Variants in CHST8 observed in about 807,000 individuals in gnomAD.
CHST8 encodes the protein GALNAC-4-ST1.
CHST8 carries 10 observed loss-of-function variants against 15.0 expected under a neutral mutation model. The observed-to-expected ratio is 0.67, with a 90% CI of 0.41 to 1.13. CHST8 has a LOEUF of 1.13. Among genes scored for constraint, CHST8 ranks in the 50% most tolerant of loss-of-function variants. The probability of loss-of-function intolerance (pLI) is 0.00; values close to 1 mark genes in which losing one functional copy is unlikely to be tolerated. For missense variants in CHST8, 634 were observed against 608.2 expected, an observed-to-expected ratio of 1.04 and a Z score of -0.45; for synonymous variants, 259 against 256.6, an observed-to-expected ratio of 1.01 and a Z score of -0.09.
intron 3 of CHST8, among the ~76,000 whole-genome samples, chr19:33,722,030 G>T (rs760755852): frequency 6.7e-6 from 1 of 148,546 alleles, no homozygotes; most frequent in Non-Finnish European, 1.5e-5. Context: ...GGTAGTGAGT[G>T]GGCATATGGA....
chr19:33,747,255 C>T (rs772008254), intron 3 of CHST8, among the ~76,000 whole-genome samples: 1 of 152,136 alleles, frequency 6.6e-6, no homozygotes, highest in African/African-American at 2.4e-5. Flanking sequence ...CGGGCAGGTG[C>T]GCCCTTCCCC....
At chr19:33,643,695 G>A (rs949543382) in intron 1 of CHST8, among the ~76,000 whole-genome samples, 1 of 152,116 alleles carries the variant, frequency 6.6e-6, no homozygotes, top group Non-Finnish European at 1.5e-5. Context: ...CAGCACCCAC[G>A]ATTTTAATTA....
At chr19:33,675,211 A>T (rs1972793745) in intron 2 of CHST8, among the ~76,000 whole-genome samples, 1 of 151,662 alleles carries the variant, frequency 6.6e-6, no homozygotes, top group South Asian at 2.1e-4. Context: ...GGCCTGCACC[A>T]CCCCCAGCAC....
intron 1 of CHST8, among the ~76,000 whole-genome samples, chr19:33,625,088 CT>C (rs112353397): frequency 0.09 from 13,004 of 144,098 alleles, 843 homozygotes; most frequent in African/African-American, 0.19. Context: ...TTCTTTCTTT[CT>C]TTTTTTTTTT....
chr19:33,689,757 A>G (rs1011246240), intron 3 of CHST8, among the ~76,000 whole-genome samples: 15 of 152,322 alleles, frequency 9.8e-5, no homozygotes, highest in Non-Finnish European at 1.5e-4. Flanking sequence ...CTTCTCCCTG[A>G]GCCCATGCCC....
At chr19:33,650,658 A>G (rs533521250) in intron 1 of CHST8, among the ~76,000 whole-genome samples, 1 of 149,172 alleles carries the variant, frequency 6.7e-6, no homozygotes, top group African/African-American at 2.5e-5. Context: ...CAGCCTCCCA[A>G]GTAGCTGGGA....
chr19:33,666,056 G>T (rs1251932698), intron 1 of CHST8, among the ~76,000 whole-genome samples: 2 of 152,256 alleles, frequency 1.3e-5, no homozygotes, highest in African/African-American at 4.8e-5. Context: ...TGTCTGTGCA[G>T]GTGCCTTGGG....
intron 1 of CHST8, among the ~76,000 whole-genome samples, chr19:33,630,232 G>A (rs1972105077): frequency 6.6e-6 from 1 of 152,248 alleles, no homozygotes; most frequent in Non-Finnish European, 1.5e-5. Context: ...CCCTGGAGAA[G>A]TTGAGCAAAC....
chr19:33,727,779 C>T (rs888312901), intron 3 of CHST8, among the ~76,000 whole-genome samples: 8 of 152,358 alleles, frequency 5.3e-5, no homozygotes, highest in African/African-American at 1.7e-4. Flanking sequence ...AGGCTCCTGC[C>T]GTAGCGGGCT....
Position 33,694,762 on chromosome 19 carries a change from T to C in CHST8, c.130+5371T>C, listed in dbSNP as rs533993399. Among the ~76,000 whole-genome samples, 7 of 152,296 alleles carry C rather than the reference T, an allele frequency of 4.6e-5. No homozygotes were observed. In the South Asian group the frequency reaches 1.2e-3, roughly 27 times the overall value. On this transcript the variant is annotated intron_variant, in intron 3 of 4. Coordinates refer to ENST00000650847, the MANE Select transcript of CHST8 (RefSeq NM_001127895.2). Reference sequence around the variant, plus strand: ...ACCTAGCTAATTTTTATCTTTTTAGTAGAGACGGGGTTTTACCATGTTGGC... The same window carrying C: ...ACCTAGCTAATTTTTATCTTTTTAGCAGAGACGGGGTTTTACCATGTTGGC...
intron 3 of CHST8, among the ~76,000 whole-genome samples, chr19:33,768,015 G>A (rs762281690): frequency 6.6e-6 from 1 of 152,150 alleles, no homozygotes; most frequent in African/African-American, 2.4e-5. Context: ...CCTCATCCTC[G>A]TGAGCCCTTA....
intron 3 of CHST8, among the ~76,000 whole-genome samples, chr19:33,760,534 G>A (rs1344659352): frequency 6.6e-6 from 1 of 151,534 alleles, no homozygotes; most frequent in Admixed American, 6.6e-5. Context: ...TGTCCAGGCT[G>A]GTCTTAAACT....
intron 3 of CHST8, among the ~76,000 whole-genome samples, chr19:33,738,368 C>T (rs1301522480): frequency 6.6e-6 from 1 of 152,202 alleles, no homozygotes; most frequent in Non-Finnish European, 1.5e-5. Context: ...TTCAAACCCC[C>T]CATCCCTGGG....
intron 2 of CHST8, among the ~76,000 whole-genome samples, chr19:33,668,794 T>C (rs1972696676): frequency 6.6e-6 from 1 of 152,116 alleles, no homozygotes; most frequent in Non-Finnish European, 1.5e-5. Context: ...GATTCTGAGA[T>C]TTTGCTTCGT....
intron 2 of CHST8, among the ~76,000 whole-genome samples, chr19:33,673,167 A>G (rs1972764129): frequency 6.6e-6 from 1 of 152,188 alleles, no homozygotes; most frequent in Admixed American, 6.5e-5. Context: ...CTGGGAGGAC[A>G]CAGCTGGTCC....
In CHST8 at chr19:33,752,999, G is replaced by A. The variant is rs574617244; in HGVS notation, c.131-18414G>A. On this transcript the variant is annotated intron_variant, in intron 3 of 4. Transcript: ENST00000650847. ...TCTGACATTGGAGATTGCTTTCAGC[G>A]TTCGGTGGAGAAAGAAGCCACAGCC... 5.9e-5 allele frequency among the ~76,000 whole-genome samples: 9 copies of A among 152,292 alleles called. No homozygotes were observed. The East Asian group carries it at 7.7e-4, about 13-fold the overall frequency.
chr19:33,728,509 G>A (rs909556645), intron 3 of CHST8, among the ~76,000 whole-genome samples: 23 of 152,346 alleles, frequency 1.5e-4, no homozygotes, highest in Admixed American at 5.2e-4. Flanking sequence ...CAAAGGAAAA[G>A]GGGCACATTC....
intron 2 of CHST8, among the ~76,000 whole-genome samples, chr19:33,675,099 G>A (rs751266569): frequency 6.6e-6 from 1 of 152,144 alleles, no homozygotes; most frequent in Non-Finnish European, 1.5e-5. Flanking sequence ...TGTGTAGTGG[G>A]CCCTGTGGCC....
chr19:33,626,712 A>G (rs73029350), intron 1 of CHST8, among the ~76,000 whole-genome samples: 23,985 of 151,258 alleles, frequency 0.16, 2,090 homozygotes, highest in Non-Finnish European at 0.2. Context: ...CCCTCACCAG[A>G]TGCAAATGCA....
Sources: allele counts gnomAD v4.1 joint callset (sites outside exome capture counted in the v4.1 genomes callset), GRCh38; gene constraint gnomAD v4.1.1; transcripts MANE v1.5; gene names NCBI Gene and HGNC (gene_info 2026-07-23, HGNC 2026-07-21).